The following NDUFAF7 variants were observed in gnomAD, a reference collection of about 807,000 sequenced individuals.
NDUFAF7 encodes NADH:ubiquinone oxidoreductase complex assembly factor 7, also known as protein arginine methyltransferase NDUFAF7, mitochondrial.
Under a neutral mutation model 47.2 loss-of-function variants are expected in NDUFAF7, and 48 were observed. The observed-to-expected ratio is 1.02, with a 90% confidence interval of 0.81 to 1.29. The LOEUF (loss-of-function observed/expected upper bound fraction) is 1.29, where lower values mean the gene tolerates loss of function less well. NDUFAF7 is among the 50% of genes most tolerant of loss of function. NDUFAF7 has a pLI of 0.00. For synonymous variants in NDUFAF7, 217 were observed against 190.0 expected, an observed-to-expected ratio of 1.14 and a Z score of -1.17; for missense variants, 635 against 537.6, an observed-to-expected ratio of 1.18 and a Z score of -1.79.
downstream of NDUFAF7, among the ~76,000 whole-genome samples, chr2:37,255,787 A>G (rs932620411): frequency 2.6e-5 from 4 of 152,144 alleles, no homozygotes; most frequent in South Asian, 2.1e-4. Context: ...GGGAAGATCA[A>G]TTGAGTGCAA....
downstream of NDUFAF7, among the ~76,000 whole-genome samples, chr2:37,250,104 T>G (rs1478080330): frequency 2.0e-5 from 3 of 152,100 alleles, no homozygotes; most frequent in Non-Finnish European, 4.4e-5. Flanking sequence ...ACAAGACAGT[T>G]CTTCCAATGT....
chr2:37,266,999 T>C, the NDUFAF7 span, among the ~76,000 whole-genome samples: 1 of 152,182 alleles, frequency 6.6e-6, no homozygotes, highest in African/African-American at 2.4e-5. Flanking sequence ...TGCCAATATA[T>C]CTTTAAAATA....
the NDUFAF7 span, chr2:37,269,442 AG>A: frequency 1.7e-6 from 1 of 604,448 alleles, no homozygotes; most frequent in East Asian, 2.8e-5. Context: ...AATGACATTA[AG>A]GGAAGAATAC....
rs779576323 is a variant in NDUFAF7 at position 37,232,308 on chromosome 2, A to G, written c.216+42A>G. ...CCGAGGACTAGGCCCTCTCTAGCCG[A>G]TTTGCGAGGTGCAAGCCAGGAGGGA... On this transcript the variant is annotated intron_variant, in intron 2 of 9. Coordinates refer to ENST00000002125, the MANE Select transcript of NDUFAF7 (RefSeq NM_144736.5). 8 of 1,610,362 alleles carry G rather than the reference A, an allele frequency of 5.0e-6. No homozygotes were observed. In the Admixed American group the frequency reaches 8.3e-5, roughly 17 times the overall value.
chr2:37,237,542 A>G (rs937560953), intron 3 of NDUFAF7, among the ~76,000 whole-genome samples: 1 of 151,972 alleles, frequency 6.6e-6, no homozygotes, highest in Non-Finnish European at 1.5e-5. Flanking sequence ...AGGCTGCCTT[A>G]TTTTTTCCTA....
At chr2:37,243,742 A>G (rs1201048084) in intron 6 of NDUFAF7, 121 bp from the exon 7 acceptor site, 3 of 729,174 alleles carry the variant, frequency 4.1e-6, no homozygotes, top group Non-Finnish European at 7.2e-6. Context: ...GTAATTTTAA[A>G]TAGTAAGTTC....
the NDUFAF7 span, among the ~76,000 whole-genome samples, chr2:37,270,356 A>AG: frequency 2.6e-5 from 4 of 151,438 alleles, no homozygotes; most frequent in East Asian, 7.7e-4. Flanking sequence ...TTTTGGAAAA[A>AG]AAAAAAAAAA....
rs752983941 is a variant in NDUFAF7, at chr2:37,241,688, G to C, written c.519G>C (p.Lys173Asn). 2.5e-6 allele frequency: 4 copies of C among 1,613,964 alleles called. No homozygotes were observed. The highest frequency in any genetic ancestry group is 1.1e-5 in the South Asian group (1 of 91,080). The stretch of plus-strand genomic sequence containing the variant: ...AAGCATTGACACTGACTAAAGAGAA[G>C]GTCCCGTTAGAGCGAAATGCTGGAT... ...EIQALTLTKE[K>N]VPLERNAGSP... The change falls in exon 5 of 10, where the codon AAG becomes AAC. Residue 173 changes from lysine (K) to asparagine (N), a missense_variant. Lys to Asn is a moderately conservative substitution (Grantham distance 94). Coordinates refer to ENST00000002125, the MANE Select transcript of NDUFAF7 (RefSeq NM_144736.5).
chr2:37,244,295 C>T (rs988160995), intron 7 of NDUFAF7, among the ~76,000 whole-genome samples: 1 of 152,202 alleles, frequency 6.6e-6, no homozygotes, highest in Non-Finnish European at 1.5e-5. Context: ...GAGTTTACAT[C>T]TGTGAAAGCA....
downstream of NDUFAF7, chr2:37,253,112 C>CCT: frequency 1.4e-6 from 2 of 1,465,492 alleles, no homozygotes; most frequent in East Asian, 4.6e-5. Context: ...CTACAAAGAA[C>CCT]AAGTTACACA....
downstream of NDUFAF7, among the ~76,000 whole-genome samples, chr2:37,257,495 C>G (rs965090515): frequency 1.3e-5 from 2 of 151,842 alleles, no homozygotes; most frequent in African/African-American, 4.8e-5. Flanking sequence ...GAAACCCCGT[C>G]TCTACTGAAG....
downstream of NDUFAF7, among the ~76,000 whole-genome samples, chr2:37,249,461 T>C (rs1352593850): frequency 2.6e-5 from 4 of 151,562 alleles, no homozygotes; most frequent in South Asian, 2.1e-4. Flanking sequence ...CCTGTAATCC[T>C]AGCTACTCAC....
At chr2:37,257,615 G>A (rs1460118065), downstream of NDUFAF7, among the ~76,000 whole-genome samples, 1 of 139,748 alleles carries the variant, frequency 7.2e-6, no homozygotes, top group South Asian at 2.3e-4. Flanking sequence ...GCAGTGAGTC[G>A]AGATTACGCC....
At chr2:37,237,734 G>GTTTTTTT in intron 3 of NDUFAF7, 23 bp from the exon 4 acceptor site, 1 of 1,305,304 alleles carries the variant, frequency 7.7e-7, no homozygotes, top group Admixed American at 1.9e-5. Context: ...TTTAATATGT[G>GTTTTTTT]TTTTTTTTTT....
chr2:37,265,864 GTTA>G, the NDUFAF7 span, among the ~76,000 whole-genome samples: 3 of 152,116 alleles, frequency 2.0e-5, no homozygotes, highest in Non-Finnish European at 4.4e-5. Context: ...CCTAAATTTA[GTTA>G]TTATGATCCA....
At chr2:37,252,803 T>C (rs1667598705), downstream of NDUFAF7, 1 of 149,872 alleles carries the variant, frequency 6.7e-6, no homozygotes, top group African/African-American at 2.4e-5. Context: ...GATGCTAGCT[T>C]GACTTGTTTT....
At position 37,241,660 on chromosome 2, in the gene NDUFAF7, T is replaced by G. The variant is rs761364274; in HGVS notation, c.491T>G (p.Ile164Ser). ...LVEVSQKLSE[I>S]QALTLTKEKV... ...GAGGTAAGCCAAAAATTAAGTGAGA[T>G]TCAAGCATTGACACTGACTAAAGAG... is the stretch of plus-strand genomic sequence containing the variant. The change falls in exon 5 of 10, where the codon ATT (isoleucine) becomes AGT (serine). Residue 164 changes from isoleucine to serine, a missense_variant. Physicochemically the swap from Ile to Ser is moderately radical, Grantham distance 142. Coordinates refer to ENST00000002125, the MANE Select transcript of NDUFAF7 (RefSeq NM_144736.5). 2 of 1,613,964 alleles carry G rather than the reference T, an allele frequency of 1.2e-6. No homozygotes were observed. The highest frequency in any genetic ancestry group is 1.1e-5 in the South Asian group (1 of 91,058).
downstream of NDUFAF7, among the ~76,000 whole-genome samples, chr2:37,253,803 C>CT (rs1022143523): frequency 6.6e-6 from 1 of 152,150 alleles, no homozygotes; most frequent in African/African-American, 2.4e-5. Context: ...CCTCCTTACT[C>CT]TGAAGTTTGG....
downstream of NDUFAF7, chr2:37,251,100 A>G (rs1667452852): frequency 6.6e-6 from 1 of 152,660 alleles, no homozygotes; most frequent in African/African-American, 2.4e-5. Flanking sequence ...TTGATTGCCT[A>G]GTGACTCAGA....
Sources: gnomAD v4.1 joint callset for allele counts (sites outside exome capture counted in the v4.1 genomes callset) on GRCh38, gnomAD v4.1.1 for gene constraint, MANE v1.5 for transcripts, NCBI Gene and HGNC (gene_info 2026-07-23, HGNC 2026-07-21) for gene names.